Variants in ATG2B observed in about 807,000 individuals in gnomAD.
ATG2B encodes the protein autophagy-related protein 2 homolog B.
ATG2B carries 121 observed loss-of-function variants against 241.3 expected under a neutral mutation model. That is an observed-to-expected ratio of 0.50 (90% CI 0.43 to 0.58). ATG2B has a LOEUF of 0.58. Among genes scored for constraint, ATG2B ranks in the 20% least tolerant of loss-of-function variants. ATG2B has a pLI of 0.00. For synonymous variants in ATG2B, 858 were observed against 876.6 expected, an observed-to-expected ratio of 0.98 and a Z score of 0.37; for missense variants, 2,306 against 2,491.6, an observed-to-expected ratio of 0.93 and a Z score of 1.59.
chr14:96,347,903 C>A (rs963263092), intron 1 of ATG2B, among the ~76,000 whole-genome samples: 2 of 152,104 alleles, frequency 1.3e-5, no homozygotes, highest in Non-Finnish European at 2.9e-5. Context: ...AATTATTACA[C>A]CCACTATGGA....
chr14:96,313,021 T>C, intron 25 of ATG2B, 44 bp downstream of exon 25: 2 of 1,260,608 alleles, frequency 1.6e-6, no homozygotes, highest in South Asian at 1.3e-5. Context: ...ATTGGTATGT[T>C]TCGAACAGCT....
intron 18 of ATG2B, among the ~76,000 whole-genome samples, chr14:96,321,410 T>C (rs8005907): frequency 0.06 from 9,135 of 152,286 alleles, 367 homozygotes; most frequent in Non-Finnish European, 0.092. Flanking sequence ...GTAGGAATTA[T>C]AACAGACAAC....
rs758964649 is a variant in ATG2B at position 96,311,107 on chromosome 14, C to T, written c.4161+10G>A. The T allele has an allele frequency of 1.3e-6, 2 of 1,598,810 alleles. No individual in the cohort carries two copies. Among genetic ancestry groups the T allele is most frequent in the South Asian group, 2.2e-5 (2 of 89,344 alleles). ...GGCAGGGACTGGAGGAATCACATTG[C>T]TGACTGTACCTTAGACCTTCTTTGA... On this transcript the variant is annotated intron_variant, in intron 28 of 41. Transcript: ENST00000359933.
At chr14:96,321,029 G>A (rs755600894) in intron 18 of ATG2B, among the ~76,000 whole-genome samples, 8 of 151,930 alleles carry the variant, frequency 5.3e-5, no homozygotes, top group African/African-American at 9.7e-5. Context: ...AAAGTTAAAC[G>A]TAAGTGATAA....
Position 96,328,767 on chromosome 14 carries a change from C to A in ATG2B, c.1882-1G>T. 1 of 1,600,614 alleles carries A rather than the reference C, an allele frequency of 6.2e-7. No homozygotes were observed. ...CTTCTTTGGAATGGAACGTTAAAAG[C>A]TTAAAAGTAAAGATGAAGATAAATT... On this transcript the variant is annotated splice_acceptor_variant, in intron 12 of 41. Coordinates refer to ENST00000359933, the MANE Select transcript of ATG2B (RefSeq NM_018036.7). LOFTEE classifies it high-confidence loss of function.
At chr14:96,362,511 C>G (rs559207714) in intron 1 of ATG2B, among the ~76,000 whole-genome samples, 3 of 152,126 alleles carry the variant, frequency 2.0e-5, no homozygotes, top group Non-Finnish European at 4.4e-5. Context: ...AGGGACAGTT[C>G]TGGTCACCTC....
chr14:96,317,684 T>A lies in ATG2B; in HGVS notation c.3037+14A>T, dbSNP rs1014960307. On this transcript the variant is annotated intron_variant, in intron 19 of 41. Coordinates refer to ENST00000359933, the MANE Select transcript of ATG2B (RefSeq NM_018036.7). The stretch of plus-strand genomic sequence containing the variant: ...CTAGGCATTTTAAATCAAAACAAAT[T>A]AAAAATATATTACCATAGTGAACTG... 1.3e-6 allele frequency: 2 copies of A among 1,559,982 alleles called. No homozygotes were observed. Among genetic ancestry groups the A allele is most frequent in the African/African-American group, 2.7e-5 (2 of 73,360 alleles).
chr14:96,321,787 A>G (rs1595310599), intron 18 of ATG2B, among the ~76,000 whole-genome samples: 1 of 152,328 alleles, frequency 6.6e-6, no homozygotes, highest in South Asian at 2.1e-4. Context: ...GGCTAGCTGT[A>G]TTAGCATCTC....
chr14:96,305,511 G>T, intron 31 of ATG2B, 78 bp downstream of exon 31: 1 of 967,244 alleles, frequency 1.0e-6, no homozygotes, highest in South Asian at 1.8e-5. Context: ...TCTCTCTAAA[G>T]GGGAAATGGA....
chr14:96,289,556 G>A lies in ATG2B; in HGVS notation c.6006+100C>T. 1 of 1,414,878 alleles carries A rather than the reference G, an allele frequency of 7.1e-7. No homozygotes were observed. Among genetic ancestry groups the A allele is most frequent in the Non-Finnish European group, 9.7e-7 (1 of 1,035,254 alleles). 87.6% of individuals were successfully genotyped at this position (1,414,878 alleles called of 1,614,324 possible). ...TGGCAGTTGCCATTCTGCTCCCAGG[G>A]ATTTCTACAGAATACATTTAAGCCA... On this transcript the variant is annotated intron_variant, in intron 41 of 41. Transcript: ENST00000359933. This position sits in a 1 kb window ranked among gnomAD's most constrained non-coding sequence, Gnocchi z 4.3.
rs1233287944 is a variant in ATG2B, at chr14:96,282,144, C to T, written c.*3611G>A. Reference sequence around the variant, plus strand: ...CTCTATCTTCCAGTAAACAAGATTTCCTGCAATGAAAAAGAAATTTTTCCT... The same window carrying T: ...CTCTATCTTCCAGTAAACAAGATTTTCTGCAATGAAAAAGAAATTTTTCCT... On this transcript the variant is annotated 3_prime_UTR_variant, in exon 42 of 42. Transcript: ENST00000359933. The T allele has an allele frequency of 6.6e-6, 1 of 152,166 alleles. No homozygotes were observed. Among genetic ancestry groups the T allele is most frequent in the Non-Finnish European group, 1.5e-5 (1 of 68,030 alleles). 9.4% of individuals were successfully genotyped at this position (152,166 alleles called of 1,614,324 possible).
At chr14:96,348,209 T>C (rs1888220142) in intron 1 of ATG2B, among the ~76,000 whole-genome samples, 1 of 152,184 alleles carries the variant, frequency 6.6e-6, no homozygotes, top group Non-Finnish European at 1.5e-5. Flanking sequence ...TAGAGGTCAT[T>C]ATGTTATATG....
chr14:96,315,705 A>G, intron 21 of ATG2B, 122 bp from the exon 22 acceptor site: 1 of 718,010 alleles, frequency 1.4e-6, no homozygotes, highest in South Asian at 1.9e-5. Flanking sequence ...AGGAGGCATG[A>G]TGACAAAAAC....
chr14:96,305,724 T>C lies in ATG2B; in HGVS notation c.4598A>G (p.Asp1533Gly). 6.2e-7 allele frequency: 1 copy of C among 1,614,194 alleles called. No individual in the cohort carries two copies. The highest frequency in any genetic ancestry group is 8.5e-7 in the Non-Finnish European group (1 of 1,180,026). The change falls in exon 31 of 42, where the codon GAT (aspartate) becomes GGT (glycine). Residue 1533 changes from aspartate (D) to glycine (G), a missense_variant. By Grantham distance (94) the Asp-to-Gly change is moderately conservative (BLOSUM62 -1). Transcript: ENST00000359933. The stretch of plus-strand genomic sequence containing the variant: ...AAAGTGTAAGGGGGCTTTGCTCGTA[T>C]CGGTCTTATTAACGGGCAGACTGAA... ...NYFSLPVNKT[D>G]TSKAPLHFPI...
chr14:96,328,553 G>T lies in ATG2B; in HGVS notation c.1975-18C>A. The T allele has an allele frequency of 6.5e-7, 1 of 1,534,648 alleles. No homozygotes were observed. The highest frequency in any genetic ancestry group is 8.8e-7 in the Non-Finnish European group (1 of 1,135,954). ...TGATTACCCTTTTAAAAAAAAAAAA[G>T]AAAAGGCATTAATACAATCACTAAA... On this transcript the variant is annotated intron_variant, in intron 13 of 41. Transcript: ENST00000359933.
At position 96,316,752 on chromosome 14, in the gene ATG2B, A is replaced by G. The variant is rs1040832660; in HGVS notation, c.3211-69T>C. 6.5e-6 allele frequency: 9 copies of G among 1,392,826 alleles called. No homozygotes were observed. In the African/African-American group the frequency reaches 1.0e-4, roughly 16 times the overall value. 86.3% of individuals were successfully genotyped at this position (1,392,826 alleles called of 1,614,324 possible). A position where few individuals can be genotyped will look rare whatever the true frequency, so the allele number is the denominator to read the frequency against. On this transcript the variant is annotated intron_variant, in intron 20 of 41. Transcript: ENST00000359933. ...CAGAAAAGTAAGCATGTTCCTTGAGATGCTCTTTGTTGATTCAGCTTAGGA... is the reference window on the plus strand; with the variant it reads ...CAGAAAAGTAAGCATGTTCCTTGAGGTGCTCTTTGTTGATTCAGCTTAGGA...
chr14:96,289,011 AAAAT>A lies in ATG2B; in HGVS notation c.6006+641_6006+644del, dbSNP rs772328195. ...TGGAAACTGAATGTCCACCAACAGG[AAAAT>A]AAATAAATTATGATATATTCATACA... is the stretch of plus-strand genomic sequence containing the variant. On this transcript the variant is annotated intron_variant, in intron 41 of 41. Transcript: ENST00000359933. This position sits in a 1 kb window ranked among gnomAD's most constrained non-coding sequence, Gnocchi z 4.3. 6.6e-6 allele frequency among the ~76,000 whole-genome samples: 1 copy of A among 152,184 alleles called. No homozygotes were observed. The highest frequency in any genetic ancestry group is 1.5e-5 in the Non-Finnish European group (1 of 68,038).
At chr14:96,341,267 G>A (rs540228145) in intron 6 of ATG2B, among the ~76,000 whole-genome samples, 7 of 152,106 alleles carry the variant, frequency 4.6e-5, no homozygotes, top group African/African-American at 1.4e-4. Context: ...TCGAATTGTC[G>A]GAATACGGGA....
intron 3 of ATG2B, 97 bp from the exon 4 acceptor site, chr14:96,344,853 T>C: frequency 1.9e-6 from 1 of 530,218 alleles, no homozygotes; most frequent in Non-Finnish European, 3.2e-6. Flanking sequence ...TAAGAACTTT[T>C]GTTTACAAAA....
Sources: allele counts gnomAD v4.1 joint callset (sites outside exome capture counted in the v4.1 genomes callset), GRCh38; gene constraint gnomAD v4.1.1; non-coding constraint Gnocchi (gnomAD v3.1); transcripts MANE v1.5; gene names NCBI Gene and HGNC (gene_info 2026-07-23, HGNC 2026-07-21).